SLC3A1: variants seen among roughly 807,000 people sequenced by gnomAD.
SLC3A1 encodes the protein amino acid transporter heavy chain SLC3A1.
In SLC3A1, 78 loss-of-function variants were observed where a neutral mutation model predicts 60.3. The ratio of observed to expected loss-of-function variants is 1.29; its 90% CI spans 1.08 to 1.56. SLC3A1 has a LOEUF of 1.56. Ranked by LOEUF, SLC3A1 falls within the 40% of genes most tolerant of loss-of-function variation. SLC3A1 has a pLI of 0.00. For synonymous variants in SLC3A1, 392 were observed against 307.9 expected, an observed-to-expected ratio of 1.27 and a Z score of -2.86; for missense variants, 1,172 against 858.9, an observed-to-expected ratio of 1.36 and a Z score of -4.56.
chr2:44,310,640 G>A (rs1490576494), intron 7 of SLC3A1, among the ~76,000 whole-genome samples: 1 of 151,850 alleles, frequency 6.6e-6, no homozygotes, highest in Non-Finnish European at 1.5e-5. Context: ...AGTTCATTGA[G>A]GTTCTTAGAT....
At chr2:44,315,225 G>A (rs1436243391) in intron 9 of SLC3A1, 1 of 152,088 alleles carries the variant, frequency 6.6e-6, no homozygotes, top group Non-Finnish European at 1.5e-5. Flanking sequence ...TTACAGGCGT[G>A]AGCCACTACG....
chr2:44,313,094 G>A (rs1416901757), intron 8 of SLC3A1, among the ~76,000 whole-genome samples: 1 of 152,010 alleles, frequency 6.6e-6, no homozygotes, highest in Admixed American at 6.6e-5. Context: ...GTTTAGTTTA[G>A]AATATGACTC....
At chr2:44,277,965 G>C (rs1251081218) in intron 1 of SLC3A1, among the ~76,000 whole-genome samples, 1 of 152,136 alleles carries the variant, frequency 6.6e-6, no homozygotes, top group Non-Finnish European at 1.5e-5. Context: ...TCTAAAATGT[G>C]GGGTGGGATC....
chr2:44,281,583 G>T lies in SLC3A1; in HGVS notation c.765+42G>T, dbSNP rs543491798. 10 of 1,577,790 alleles carry T rather than the reference G, an allele frequency of 6.3e-6. No homozygotes were observed. In the South Asian group the frequency reaches 1.0e-4, roughly 16 times the overall value. On this transcript the variant is annotated intron_variant, in intron 3 of 9. Transcript: ENST00000260649. ...CTGACTTACAAAGGGGTAAAAGGCA[G>T]ATATGTAGTGATTGAACTGATTTAG...
chr2:44,314,779 A>G (rs1158376191), intron 9 of SLC3A1: 1 of 23,436 alleles, frequency 4.3e-5, no homozygotes, highest in Admixed American at 3.8e-4. Flanking sequence ...AAGACACAAA[A>G]TATATATGGG....
chr2:44,281,290 T>C, intron 2 of SLC3A1, 97 bp from the exon 3 acceptor site: 7 of 1,057,896 alleles, frequency 6.6e-6, no homozygotes, highest in Middle Eastern at 2.8e-4. Flanking sequence ...TCCCAGTGTA[T>C]TGGGGTTACA....
At chr2:44,307,176 G>C (rs1672178588) in intron 7 of SLC3A1, among the ~76,000 whole-genome samples, 1 of 152,180 alleles carries the variant, frequency 6.6e-6, no homozygotes. Context: ...GTATGTCTCA[G>C]TACATCGTTC....
rs749367795 is a variant in SLC3A1, at chr2:44,286,171, C to A, written c.891+14C>A. On this transcript the variant is annotated intron_variant, in intron 4 of 9. Coordinates refer to ENST00000260649, the MANE Select transcript of SLC3A1 (RefSeq NM_000341.4). ...GAAGAAATAAAAGTGAGTATAGATA[C>A]CCACACAGACTTCTCCATTAATGGA... 1 of 1,612,362 alleles carries A rather than the reference C, an allele frequency of 6.2e-7. No homozygotes were observed. Among genetic ancestry groups the A allele is most frequent in the African/African-American group, 1.3e-5 (1 of 74,880 alleles).
chr2:44,283,788 G>A (rs902744587), intron 3 of SLC3A1, among the ~76,000 whole-genome samples: 4 of 151,838 alleles, frequency 2.6e-5, no homozygotes, highest in African/African-American at 9.7e-5. Context: ...ACCATATATT[G>A]CAAGACTTCG....
At chr2:44,283,759 G>A (rs192369065) in intron 3 of SLC3A1, among the ~76,000 whole-genome samples, 88 of 152,052 alleles carry the variant, frequency 5.8e-4, no homozygotes, top group African/African-American at 2.1e-3. Context: ...TAAACACCTT[G>A]TAGTATATCA....
At chr2:44,321,833 G>T, downstream of SLC3A1, 1 of 1,613,716 alleles carries the variant, frequency 6.2e-7, no homozygotes, top group Non-Finnish European at 8.5e-7. Context: ...ATACCTTTTT[G>T]TGAGAATCCT....
intron 3 of SLC3A1, among the ~76,000 whole-genome samples, chr2:44,283,357 A>AC (rs1380096801): frequency 1.3e-5 from 2 of 152,190 alleles, no homozygotes; most frequent in Non-Finnish European, 2.9e-5. Flanking sequence ...CAGTTCACTG[A>AC]CTTGTTAAAA....
At chr2:44,304,622 C>G (rs985105923) in intron 7 of SLC3A1, among the ~76,000 whole-genome samples, 1 of 152,062 alleles carries the variant, frequency 6.6e-6, no homozygotes, top group Non-Finnish European at 1.5e-5. Context: ...CCCCACATAT[C>G]TCAGAGTTTA....
At chr2:44,301,197 C>G (rs749922250) in intron 6 of SLC3A1, 70 bp downstream of exon 6, 3 of 1,585,296 alleles carry the variant, frequency 1.9e-6, no homozygotes, top group African/African-American at 1.3e-5. Context: ...CCCTCACAAC[C>G]AAGTGTATTT....
chr2:44,310,432 T>C (rs1672265936), intron 7 of SLC3A1, among the ~76,000 whole-genome samples: 1 of 144,784 alleles, frequency 6.9e-6, no homozygotes, highest in African/African-American at 2.9e-5. Flanking sequence ...TTTACAGTTC[T>C]TTCTTTCATC....
At chr2:44,280,519 T>C (rs780199125) in intron 1 of SLC3A1, among the ~76,000 whole-genome samples, 197 bp from the exon 2 acceptor site, 5 of 152,196 alleles carry the variant, frequency 3.3e-5, no homozygotes, top group Admixed American at 6.5e-5. Context: ...ATTACAGGCG[T>C]GAACCACTAC....
chr2:44,320,765 G>A lies in SLC3A1; in HGVS notation c.*126G>A. ...TCTTCGATATTTCTGTAGCTTGAAT[G>A]TAACTGCTTTAAGAAAGGTTCTCAA... is the stretch of plus-strand genomic sequence containing the variant. On this transcript the variant is annotated 3_prime_UTR_variant, in exon 10 of 10. Transcript: ENST00000260649. 1.2e-6 allele frequency: 1 copy of A among 817,566 alleles called. No homozygotes were observed. The highest frequency in any genetic ancestry group is 2.0e-6 in the Non-Finnish European group (1 of 488,246). 50.6% of individuals were successfully genotyped at this position (817,566 alleles called of 1,614,324 possible).
chr2:44,287,478 G>A (rs759386560), intron 4 of SLC3A1, among the ~76,000 whole-genome samples: 10 of 152,114 alleles, frequency 6.6e-5, no homozygotes, highest in Non-Finnish European at 8.8e-5. Flanking sequence ...GAAAAATACA[G>A]GATGTCCAGT....
At chr2:44,295,931 C>A (rs1671837664) in intron 4 of SLC3A1, among the ~76,000 whole-genome samples, 1 of 152,102 alleles carries the variant, frequency 6.6e-6, no homozygotes. Context: ...GGGTCTGAAG[C>A]TGATAGTAAA....
Sources: allele counts gnomAD v4.1 joint callset (sites outside exome capture counted in the v4.1 genomes callset), GRCh38; gene constraint gnomAD v4.1.1; transcripts MANE v1.5; gene names NCBI Gene and HGNC (gene_info 2026-07-23, HGNC 2026-07-21).